Variants in ADAMTSL4 observed in about 807,000 individuals in gnomAD.
ADAMTSL4 encodes the protein ADAMTS-like protein 4.
Under a neutral mutation model 122.8 loss-of-function variants are expected in ADAMTSL4, and 97 were observed. The observed-to-expected ratio is 0.79, with a 90% CI of 0.67 to 0.93. The LOEUF is 0.93. Among genes scored for constraint, ADAMTSL4 ranks in the 40% least tolerant of loss-of-function variants. ADAMTSL4 has a pLI of 0.00. For synonymous variants in ADAMTSL4, 592 were observed against 568.0 expected (o/e 1.04, Z -0.60); for missense variants, 1,408 against 1,453.5 (o/e 0.97, Z 0.51).
At chr1:150,550,963 C>T (rs978929260) in intron 2 of ADAMTSL4, 5 of 456,178 alleles carry the variant, frequency 1.1e-5, no homozygotes, top group South Asian at 3.1e-5. Flanking sequence ...ATTCCTCTCC[C>T]GGGTGCCTTT....
chr1:150,555,642 T>TATAC (rs1671963704), intron 8 of ADAMTSL4, 77 bp downstream of exon 8: 1 of 1,574,840 alleles, frequency 6.3e-7, no homozygotes, highest in East Asian at 2.3e-5. Context: ...CATACACATG[T>TATAC]ACACACATAT....
rs371872840 is a variant in ADAMTSL4, at chr1:150,557,329, G to C, written c.2041G>C (p.Gly681Arg). The stretch of plus-strand genomic sequence containing the variant: ...ACACTCTGCATGCTCAGCGTCCTGC[G>C]GGAAAGGTGAGACATCACAGTGCGT... ...VGHSACSASC[G>R]KGVWRPIFLC... Residue 681 changes from glycine to arginine, a missense_variant, in exon 12 of 19, where the codon GGG (glycine) becomes CGG (arginine). By Grantham distance (125) the Gly-to-Arg change is moderately radical. Coordinates refer to ENST00000271643, the MANE Select transcript of ADAMTSL4 (RefSeq NM_019032.6). 6.2e-7 allele frequency: 1 copy of C among 1,610,312 alleles called. No individual in the cohort carries two copies. The highest frequency in any genetic ancestry group is 8.5e-7 in the Non-Finnish European group (1 of 1,178,722).
rs1220189655 is a variant in ADAMTSL4 at position 150,559,276 on chromosome 1, C to T, written c.2764-11C>T. 1 of 1,613,926 alleles carries T rather than the reference C, an allele frequency of 6.2e-7. No individual in the cohort carries two copies. The highest frequency in any genetic ancestry group is 1.1e-5 in the South Asian group (1 of 91,072). On this transcript the variant is annotated splice_polypyrimidine_tract_variant and intron_variant, in intron 16 of 18. Coordinates refer to ENST00000271643, the MANE Select transcript of ADAMTSL4 (RefSeq NM_019032.6). The surrounding 1 kb of genome is among the most constrained non-coding windows in gnomAD (Gnocchi z 4.1). ...CCCTCCCCTCATCACCCTGCCCTCC[C>T]CCTACACTAGTGCTCCTCCGAATGT...
chr1:150,551,340 C>T, intron 2 of ADAMTSL4: 1 of 314,140 alleles, frequency 3.2e-6, no homozygotes, highest in East Asian at 8.0e-5. Flanking sequence ...ACCGTCAACC[C>T]ATTTAGCTTA....
chr1:150,555,735 A>G (rs926657333), intron 8 of ADAMTSL4, among the ~76,000 whole-genome samples, 170 bp downstream of exon 8: 17 of 133,574 alleles, frequency 1.3e-4, no homozygotes, highest in Non-Finnish European at 8.9e-5. Context: ...ACACACACGC[A>G]CACACACGCA....
chr1:150,553,730 G>A lies in ADAMTSL4; in HGVS notation c.739G>A (p.Ala247Thr), dbSNP rs1671686319. ...AGAGGTGGCCCCCAGAACCAGGCCT[G>A]CCCCCCTACGGCATCACCCCAGAGC... ...QTEVAPRTRP[A>T]PLRHHPRAQA... The change falls in exon 6 of 19, where the codon GCC becomes ACC. Residue 247 changes from alanine (A) to threonine (T), a missense_variant. Physicochemically the swap from Ala to Thr is moderately conservative, Grantham distance 58. Coordinates refer to ENST00000271643, the MANE Select transcript of ADAMTSL4 (RefSeq NM_019032.6). The A allele has an allele frequency of 6.2e-7, 1 of 1,612,372 alleles. No homozygotes were observed. The highest frequency in any genetic ancestry group is 1.3e-5 in the African/African-American group (1 of 74,352).
chr1:150,557,500 G>C lies in ADAMTSL4; in HGVS notation c.2054G>C (p.Trp685Ser). The change falls in exon 13 of 19, where the codon TGG (tryptophan) becomes TCG (serine). Residue 685 changes from tryptophan (W) to serine (S), a missense_variant. Trp to Ser is a radical substitution (Grantham distance 177, BLOSUM62 -3). Transcript: ENST00000271643. ...TGCCTTCTCACCCACTCAGGTGTCT[G>C]GCGCCCCATTTTCCTCTGCATCTCC... The part of the protein sequence containing the change: ...ACSASCGKGV[W>S]RPIFLCISRE... 6.2e-7 allele frequency: 1 copy of C among 1,613,064 alleles called. No individual in the cohort carries two copies. Among genetic ancestry groups the C allele is most frequent in the Non-Finnish European group, 8.5e-7 (1 of 1,179,916 alleles).
chr1:150,553,893 C>T lies in ADAMTSL4; in HGVS notation c.902C>T (p.Pro301Leu), dbSNP rs776551440. 5 of 1,613,706 alleles carry T rather than the reference C, an allele frequency of 3.1e-6. No individual in the cohort carries two copies. Among genetic ancestry groups the T allele is most frequent in the Admixed American group, 3.3e-5 (2 of 59,974 alleles). ...CAGGTAGCAGGGAGACGCCCTGATCCTTTTCCTTCGGTCCCTCGGGGCCGA... is the reference window on the plus strand; with the variant it reads ...CAGGTAGCAGGGAGACGCCCTGATCTTTTTCCTTCGGTCCCTCGGGGCCGA... ...SPQVAGRRPD[P>L]FPSVPRGRGQ... is the part of the protein sequence containing the mutation. The change falls in exon 6 of 19, where the codon CCT (proline) becomes CTT (leucine). Residue 301 changes from proline to leucine, a missense_variant. Physicochemically the swap from Pro to Leu is moderately conservative, Grantham distance 98. Coordinates refer to ENST00000271643, the MANE Select transcript of ADAMTSL4 (RefSeq NM_019032.6).
intron 5 of ADAMTSL4, 51 bp downstream of exon 5, chr1:150,553,304 C>T (rs766611817): frequency 3.1e-6 from 5 of 1,607,838 alleles, no homozygotes; most frequent in Non-Finnish European, 4.3e-6. Context: ...GGGGGCTTAG[C>T]ATGAAGGAAA....
At position 150,557,330 on chromosome 1, in the gene ADAMTSL4, G is replaced by A; in HGVS notation, c.2042G>A (p.Gly681Glu). The change falls in exon 12 of 19, where the codon GGG becomes GAG. Residue 681 changes from glycine to glutamate, a missense_variant. Physicochemically the swap from Gly to Glu is moderately conservative, Grantham distance 98. Coordinates refer to ENST00000271643, the MANE Select transcript of ADAMTSL4 (RefSeq NM_019032.6). ...CACTCTGCATGCTCAGCGTCCTGCG[G>A]GAAAGGTGAGACATCACAGTGCGTT... ...VGHSACSASC[G>E]KGVWRPIFLC... 1 of 1,610,296 alleles carries A rather than the reference G, an allele frequency of 6.2e-7. No individual in the cohort carries two copies. Among genetic ancestry groups the A allele is most frequent in the Non-Finnish European group, 8.5e-7 (1 of 1,178,712 alleles).
Position 150,552,365 on chromosome 1 carries a change from C to T in ADAMTSL4, c.20+57C>T. 6.5e-7 allele frequency: 1 copy of T among 1,545,080 alleles called. No homozygotes were observed. The highest frequency in any genetic ancestry group is 1.4e-5 in the African/African-American group (1 of 73,238). Reference sequence around the variant, plus strand: ...GAAAAGGGGAGGTGCTGGGATGGCTCTGTGTCTGGAAGTGAGGGAAAGGGG... The same window carrying T: ...GAAAAGGGGAGGTGCTGGGATGGCTTTGTGTCTGGAAGTGAGGGAAAGGGG... On this transcript the variant is annotated intron_variant, in intron 3 of 18. Coordinates refer to ENST00000271643, the MANE Select transcript of ADAMTSL4 (RefSeq NM_019032.6). The surrounding 1 kb of genome is among the most constrained non-coding windows in gnomAD (Gnocchi z 4.0).
At chr1:150,550,914 C>T (rs781176208) in intron 2 of ADAMTSL4, 39 of 456,330 alleles carry the variant, frequency 8.5e-5, no homozygotes, top group South Asian at 5.9e-4. Context: ...ATTTTCTGCC[C>T]CAGAGCTGGC....
chr1:150,556,899 T>C lies in ADAMTSL4; in HGVS notation c.1750-40T>C, dbSNP rs1167433755. ...AGAGAGAGCTGGTGGCATCCTCTTCTGGCCACCCCCACATATTCATTATCT... is the reference window on the plus strand; with the variant it reads ...AGAGAGAGCTGGTGGCATCCTCTTCCGGCCACCCCCACATATTCATTATCT... On this transcript the variant is annotated intron_variant, in intron 10 of 18. Coordinates refer to ENST00000271643, the MANE Select transcript of ADAMTSL4 (RefSeq NM_019032.6). The surrounding 1 kb of genome is among the most constrained non-coding windows in gnomAD (Gnocchi z 4.1). The C allele has an allele frequency of 3.1e-6, 5 of 1,606,572 alleles. No homozygotes were observed. The East Asian group carries it at 1.1e-4, about 36-fold the overall frequency.
chr1:150,559,365 A>C lies in ADAMTSL4; in HGVS notation c.2842A>C (p.Thr948Pro), dbSNP rs772420463. The change falls in exon 17 of 19, where the codon ACT becomes CCT. Residue 948 changes from threonine to proline, a missense_variant. Coordinates refer to ENST00000271643, the MANE Select transcript of ADAMTSL4 (RefSeq NM_019032.6). The surrounding 1 kb of genome is among the most constrained non-coding windows in gnomAD (Gnocchi z 4.1). ...VSKLGTEFNV[T>P]SPSNCSHLPR... ...CAAACTGGGGACGGAGTTCAACGTG[A>C]CTTCTCCGAGCAACTGTTCTCACCT... The C allele has an allele frequency of 6.2e-7, 1 of 1,613,768 alleles. No individual in the cohort carries two copies. The highest frequency in any genetic ancestry group is 1.7e-5 in the Admixed American group (1 of 60,022).
At chr1:150,557,799 C>G in intron 13 of ADAMTSL4, 146 bp from the exon 14 acceptor site, 1 of 1,247,692 alleles carries the variant, frequency 8.0e-7, no homozygotes, top group African/African-American at 1.5e-5. Context: ...GGCTGAGCCC[C>G]CCAGGAACCC....
rs771658856 is a variant in ADAMTSL4 at position 150,557,642 on chromosome 1, A to G, written c.2177+19A>G. ...CCCCATAGTGAGTATGGGGGAGCCC[A>G]CGGGGAGGGTTAGGGTACTGGAAAC... On this transcript the variant is annotated intron_variant, in intron 13 of 18. Coordinates refer to ENST00000271643, the MANE Select transcript of ADAMTSL4 (RefSeq NM_019032.6). The G allele has an allele frequency of 3.2e-5, 51 of 1,594,942 alleles. No homozygotes were observed. The highest frequency in any genetic ancestry group is 4.4e-5 in the Non-Finnish European group (51 of 1,170,922).
chr1:150,558,660 A>G lies in ADAMTSL4; in HGVS notation c.2559+11A>G, dbSNP rs1414807865. ...GACTGGAGCTCCAAGGTGAGCCCGG[A>G]ACCCCCAGCCATATCCTGCATCCTG... On this transcript the variant is annotated intron_variant, in intron 15 of 18. Transcript: ENST00000271643. 6.2e-7 allele frequency: 1 copy of G among 1,613,596 alleles called. No homozygotes were observed. The highest frequency in any genetic ancestry group is 8.5e-7 in the Non-Finnish European group (1 of 1,179,982).
rs1671477650 is a variant in ADAMTSL4 at position 150,552,168 on chromosome 1, C to T, written c.-84-37C>T. The T allele has an allele frequency of 2.8e-6, 3 of 1,057,550 alleles. No individual in the cohort carries two copies. The highest frequency in any genetic ancestry group is 2.4e-5 in the Admixed American group (1 of 42,302). The allele number at this position is 1,057,550 out of a possible 1,614,324, so 65.5% of individuals were successfully genotyped here. ...TCCTCCCAGCCCCAAGCTCTCTGGA[C>T]ACTGGAGAGGTAACCACCAGGCTTC... On this transcript the variant is annotated intron_variant, in intron 2 of 18. Coordinates refer to ENST00000271643, the MANE Select transcript of ADAMTSL4 (RefSeq NM_019032.6). This position sits in a 1 kb window ranked among gnomAD's most constrained non-coding sequence, Gnocchi z 4.0.
chr1:150,554,268 C>T lies in ADAMTSL4; in HGVS notation c.1132-97C>T, dbSNP rs1213783113. 6.9e-7 allele frequency: 1 copy of T among 1,456,198 alleles called. No homozygotes were observed. The highest frequency in any genetic ancestry group is 1.4e-5 in the African/African-American group (1 of 71,724). The allele number at this position is 1,456,198 out of a possible 1,614,324, so 90.2% of individuals were successfully genotyped here. The stretch of plus-strand genomic sequence containing the variant: ...TCAGGGCAGGGGTCTTGGAGCTCTT[C>T]CGCTGACCTGAGCCTCCCACCTGCT... On this transcript the variant is annotated intron_variant, in intron 6 of 18. Coordinates refer to ENST00000271643, the MANE Select transcript of ADAMTSL4 (RefSeq NM_019032.6). This position sits in a 1 kb window ranked among gnomAD's most constrained non-coding sequence, Gnocchi z 4.0.
Sources: allele counts gnomAD v4.1 joint callset (sites outside exome capture counted in the v4.1 genomes callset), GRCh38; gene constraint gnomAD v4.1.1; non-coding constraint Gnocchi (gnomAD v3.1); transcripts MANE v1.5; gene names NCBI Gene and HGNC (gene_info 2026-07-23, HGNC 2026-07-21).